The following KPNA1 variants were observed in gnomAD, a reference collection of about 807,000 sequenced individuals.
KPNA1 encodes the protein importin subunit alpha-5.
In KPNA1, 10 loss-of-function variants were observed where a neutral mutation model predicts 70.5. That is an observed-to-expected ratio of 0.14 (90% CI 0.09 to 0.24). The LOEUF (loss-of-function observed/expected upper bound fraction) is 0.24. KPNA1 is among the 10% of genes least tolerant of loss of function. The pLI is 1.00. For synonymous variants in KPNA1, 192 were observed against 221.9 expected, an observed-to-expected ratio of 0.87 and a Z score of 1.20; for missense variants, 397 against 637.9, an observed-to-expected ratio of 0.62 and a Z score of 4.07.
At chr3:122,495,898 T>C (rs1448348171) in intron 2 of KPNA1, among the ~76,000 whole-genome samples, 1 of 152,072 alleles carries the variant, frequency 6.6e-6, no homozygotes. Context: ...AAAAGACATA[T>C]TCTGTGAATG....
At chr3:122,483,699 G>GTTT (rs2076597658) in intron 2 of KPNA1, among the ~76,000 whole-genome samples, 1 of 152,098 alleles carries the variant, frequency 6.6e-6, no homozygotes, top group Admixed American at 6.5e-5. Flanking sequence ...AGTAGCTCTA[G>GTTT]AAACATTTTT....
At chr3:122,463,230 C>A (rs1274717961) in intron 4 of KPNA1, among the ~76,000 whole-genome samples, 2 of 151,994 alleles carry the variant, frequency 1.3e-5, no homozygotes, top group Non-Finnish European at 2.9e-5. Flanking sequence ...CGCCTGTAGT[C>A]CCAACTACTT....
chr3:122,458,788 TC>T (rs2076292139), intron 5 of KPNA1, among the ~76,000 whole-genome samples: 1 of 152,198 alleles, frequency 6.6e-6, no homozygotes, highest in African/African-American at 2.4e-5. Context: ...TCATCAAGTC[TC>T]CTGGCTTTAA....
At chr3:122,469,258 G>C (rs1423993713) in intron 2 of KPNA1, among the ~76,000 whole-genome samples, 2 of 151,732 alleles carry the variant, frequency 1.3e-5, no homozygotes, top group Non-Finnish European at 2.9e-5. Context: ...GCATAACAAA[G>C]AAATTCCCCA....
At chr3:122,482,149 A>G (rs1476994941) in intron 2 of KPNA1, among the ~76,000 whole-genome samples, 1 of 152,274 alleles carries the variant, frequency 6.6e-6, no homozygotes. Context: ...TGGAATAGCT[A>G]CTACACGCCT....
intron 4 of KPNA1, among the ~76,000 whole-genome samples, chr3:122,463,089 C>T (rs543064766): frequency 6.6e-6 from 1 of 152,032 alleles, no homozygotes; most frequent in South Asian, 2.1e-4. Flanking sequence ...CAGTGGCTCA[C>T]GCCTGTAATC....
intron 2 of KPNA1, among the ~76,000 whole-genome samples, chr3:122,474,202 A>C (rs1394538589): frequency 6.6e-6 from 1 of 152,130 alleles, no homozygotes; most frequent in African/African-American, 2.4e-5. Context: ...CAAATCAAAG[A>C]CCTAAATAAC....
At chr3:122,453,848 C>A in intron 6 of KPNA1, 22 bp downstream of exon 6, 1 of 1,582,628 alleles carries the variant, frequency 6.3e-7, no homozygotes, top group Non-Finnish European at 8.6e-7. Flanking sequence ...CTTTCACCTG[C>A]TTCTTTTTGT....
intron 3 of KPNA1, among the ~76,000 whole-genome samples, chr3:122,464,979 T>C (rs2076363967): frequency 6.6e-6 from 1 of 152,238 alleles, no homozygotes; most frequent in South Asian, 2.1e-4. Context: ...AATCAAGGTT[T>C]CTATATGATT....
At chr3:122,442,956 C>T (rs1431356023) in intron 9 of KPNA1, 1 of 152,448 alleles carries the variant, frequency 6.6e-6, no homozygotes, top group South Asian at 2.1e-4. Flanking sequence ...ACTGGTTGGA[C>T]AGTGGGTGCA....
Position 122,448,992 on chromosome 3 carries a change from G to A in KPNA1, c.917+582C>T, listed in dbSNP as rs566829465. Reference sequence around the variant, plus strand: ...AATATATTCCAAATGTCATGTTTGCGACAATGTCTCTTTGCATCTACTTTG... The same window carrying A: ...AATATATTCCAAATGTCATGTTTGCAACAATGTCTCTTTGCATCTACTTTG... On this transcript the variant is annotated intron_variant, in intron 9 of 13. Transcript: ENST00000344337. Among the ~76,000 whole-genome samples the A allele has an allele frequency of 3.3e-5, 5 of 152,194 alleles. No individual in the cohort carries two copies. In the East Asian group the frequency reaches 7.7e-4, roughly 24 times the overall value.
chr3:122,499,093 T>C (rs946513893), intron 1 of KPNA1, among the ~76,000 whole-genome samples: 3 of 152,128 alleles, frequency 2.0e-5, no homozygotes, highest in Admixed American at 6.5e-5. Context: ...GCTGAACTTG[T>C]TTAATTGGTG....
intron 3 of KPNA1, among the ~76,000 whole-genome samples, chr3:122,466,396 C>CT (rs1271655810): frequency 6.6e-6 from 1 of 151,592 alleles, no homozygotes; most frequent in African/African-American, 2.4e-5. Context: ...TTTAATTGTA[C>CT]TTTTTTTGTT....
chr3:122,454,155 A>C (rs2107738964), intron 5 of KPNA1, among the ~76,000 whole-genome samples, 154 bp from the exon 6 acceptor site: 1 of 152,342 alleles, frequency 6.6e-6, no homozygotes, highest in Non-Finnish European at 1.5e-5. Flanking sequence ...TAAAAGAAGA[A>C]TATCCAGAAG....
intron 2 of KPNA1, among the ~76,000 whole-genome samples, chr3:122,470,313 C>A (rs10439995): frequency 0.12 from 18,473 of 152,034 alleles, 1,321 homozygotes; most frequent in East Asian, 0.32. Context: ...GAGATTGAGA[C>A]TATCTGGGCT....
intron 12 of KPNA1, among the ~76,000 whole-genome samples, chr3:122,429,317 A>G (rs1475816446): frequency 6.6e-6 from 1 of 151,854 alleles, no homozygotes; most frequent in African/African-American, 2.4e-5. Context: ...CAGACATGGC[A>G]GCGGGCACCT....
chr3:122,443,939 G>A (rs186702778), intron 9 of KPNA1, among the ~76,000 whole-genome samples: 43 of 152,238 alleles, frequency 2.8e-4, no homozygotes, highest in Non-Finnish European at 4.6e-4. Flanking sequence ...GCAGAAAACC[G>A]GTCTGACTAG....
chr3:122,443,372 C>A (rs1023669176), intron 9 of KPNA1, among the ~76,000 whole-genome samples: 1 of 152,354 alleles, frequency 6.6e-6, no homozygotes, highest in Non-Finnish European at 1.5e-5. Context: ...CCTCTGGGGG[C>A]AGGGCATAGG....
intron 9 of KPNA1, among the ~76,000 whole-genome samples, chr3:122,442,479 A>G (rs1259606886): frequency 6.6e-6 from 1 of 152,186 alleles, no homozygotes; most frequent in Non-Finnish European, 1.5e-5. Context: ...CATTTACGCA[A>G]CATTTTTAAG....
Sources: allele counts gnomAD v4.1 joint callset (sites outside exome capture counted in the v4.1 genomes callset), GRCh38; gene constraint gnomAD v4.1.1; transcripts MANE v1.5; gene names NCBI Gene and HGNC (gene_info 2026-07-23, HGNC 2026-07-21).